DZANK1: variants seen among roughly 807,000 people sequenced by gnomAD.
The protein encoded by DZANK1 is double zinc ribbon and ankyrin repeat domains 1, also known as double zinc ribbon and ankyrin repeat-containing protein 1.
In DZANK1, 91 loss-of-function variants were observed where a neutral mutation model predicts 94.5. The observed-to-expected ratio is 0.96, with a 90% CI of 0.81 to 1.15. The LOEUF is 1.15. Among genes scored for constraint, DZANK1 ranks in the 50% most tolerant of loss-of-function variants. The pLI, the probability that DZANK1 is intolerant of heterozygous loss-of-function variation, is 0.00. For synonymous variants in DZANK1, 312 were observed against 325.3 expected (o/e 0.96, Z 0.44); for missense variants, 903 against 916.4 (o/e 0.99, Z 0.19).
intron 2 of DZANK1, among the ~76,000 whole-genome samples, chr20:18,463,617 G>A (rs1041785349): frequency 6.6e-6 from 1 of 152,000 alleles, no homozygotes; most frequent in Non-Finnish European, 1.5e-5. Flanking sequence ...TACATATTAG[G>A]GAATTTTGAT....
intron 10 of DZANK1, among the ~76,000 whole-genome samples, chr20:18,426,367 G>A (rs922001701): frequency 3.9e-5 from 6 of 152,026 alleles, no homozygotes; most frequent in Admixed American, 1.3e-4. Context: ...GTTGGGGACC[G>A]CTGCTGTAGA....
intron 15 of DZANK1, chr20:18,394,954 G>C: frequency 4.4e-6 from 2 of 449,704 alleles, no homozygotes; most frequent in Middle Eastern, 6.6e-4. Flanking sequence ...AGACACAGAA[G>C]TCTGTGTGCA....
In DZANK1 at chr20:18,449,947, G is replaced by A. The variant is rs186050693; in HGVS notation, c.544-878C>T. Among the ~76,000 whole-genome samples, 697 of 151,406 alleles carry A rather than the reference G, an allele frequency of 4.6e-3. 4 individuals are homozygous for A. The highest frequency in any genetic ancestry group is 7.3e-3 in the Non-Finnish European group (494 of 67,880). ...TACAAAATTAGCAGGGTGTGGTGGCGCATGCCTATAATCCCAGCTACTCAG... is the reference window on the plus strand; with the variant it reads ...TACAAAATTAGCAGGGTGTGGTGGCACATGCCTATAATCCCAGCTACTCAG... On this transcript the variant is annotated intron_variant, in intron 6 of 20. Transcript: ENST00000262547.
At chr20:18,451,866 C>T in intron 6 of DZANK1, 2 of 518,512 alleles carry the variant, frequency 3.9e-6, no homozygotes, top group Non-Finnish European at 7.7e-6. Context: ...GGAACAAAAG[C>T]CTCCTAAATA....
intron 7 of DZANK1, among the ~76,000 whole-genome samples, chr20:18,448,728 G>A (rs185589695): frequency 3.2e-4 from 49 of 152,084 alleles, no homozygotes; most frequent in East Asian, 2.9e-3. Context: ...TTAGCTGGGC[G>A]TGGTGGCGCG....
rs1273222373 is a variant in DZANK1 at position 18,455,241 on chromosome 20, A to T, written c.378+6T>A. Reference sequence around the variant, plus strand: ...AATCTGAATGGATTATAGTTTCATTACTTGCCTGCCTTGAAGAATCTTTGA... The same window carrying T: ...AATCTGAATGGATTATAGTTTCATTTCTTGCCTGCCTTGAAGAATCTTTGA... On this transcript the variant is annotated splice_donor_region_variant and intron_variant, in intron 4 of 20. Transcript: ENST00000262547. 2.5e-6 allele frequency: 4 copies of T among 1,587,352 alleles called. No homozygotes were observed. Among genetic ancestry groups the T allele is most frequent in the Non-Finnish European group, 3.4e-6 (4 of 1,163,612 alleles).
intron 20 of DZANK1, among the ~76,000 whole-genome samples, 169 bp from the exon 21 acceptor site, chr20:18,384,733 C>T (rs529509985): frequency 1.2e-4 from 18 of 152,320 alleles, no homozygotes; most frequent in African/African-American, 4.3e-4. Context: ...GTGGCTCTAC[C>T]CTGAAACCTT....
chr20:18,424,803 T>A (rs547694737), intron 10 of DZANK1, among the ~76,000 whole-genome samples: 1 of 152,212 alleles, frequency 6.6e-6, no homozygotes, highest in East Asian at 1.9e-4. Flanking sequence ...GGAAACAGCA[T>A]GAGTACCTGT....
intron 11 of DZANK1, 121 bp downstream of exon 11, chr20:18,415,206 T>C (rs2057431543): frequency 2.0e-6 from 2 of 1,009,868 alleles, no homozygotes; most frequent in African/African-American, 3.3e-5. Flanking sequence ...TCTTAGGTTA[T>C]AGGTACCAGT....
chr20:18,417,235 G>T (rs2148475409), intron 10 of DZANK1, among the ~76,000 whole-genome samples: 1 of 152,256 alleles, frequency 6.6e-6, no homozygotes, highest in East Asian at 1.9e-4. Flanking sequence ...TCAATTTTGG[G>T]ATTGTTCTGA....
chr20:18,393,708 T>TA lies in DZANK1; in HGVS notation c.1809+2dup. ...TCCACAAGGACCAAAAAAAGACACTTACTATAAGCTGCTCCTTCTTTTCTT... is the reference window on the plus strand; with the variant it reads ...TCCACAAGGACCAAAAAAAGACACTTAACTATAAGCTGCTCCTTCTTTTCTT... On this transcript the variant is annotated splice_region_variant and intron_variant, in intron 17 of 20. Transcript: ENST00000262547. 1 of 1,589,572 alleles carries TA rather than the reference T, an allele frequency of 6.3e-7. No homozygotes were observed. The highest frequency in any genetic ancestry group is 8.6e-7 in the Non-Finnish European group (1 of 1,161,474).
intron 9 of DZANK1, chr20:18,433,094 C>T (rs963060578): frequency 2.0e-5 from 3 of 152,226 alleles, no homozygotes; most frequent in African/African-American, 7.2e-5. Flanking sequence ...TCTTTGTTAG[C>T]TGTAGTGCAA....
rs369660944 is a variant in DZANK1 at position 18,384,339 on chromosome 20, G to A, written c.*60C>T. 7.7e-5 allele frequency: 116 copies of A among 1,513,104 alleles called. 1 individual carries two copies. The South Asian group carries it at 8.8e-4, about 12-fold the overall frequency. 93.7% of individuals were successfully genotyped at this position (1,513,104 alleles called of 1,614,324 possible). ...CTCCCAAAGTGCTGGGATTACAGGCGTAAGCCACTGTGCCAGCCATGCACG... is the reference window on the plus strand; with the variant it reads ...CTCCCAAAGTGCTGGGATTACAGGCATAAGCCACTGTGCCAGCCATGCACG... On this transcript the variant is annotated 3_prime_UTR_variant, in exon 21 of 21. Coordinates refer to ENST00000262547, the Ensembl canonical transcript of DZANK1.
intron 6 of DZANK1, 106 bp downstream of exon 6, chr20:18,452,509 T>A (rs2059138358): frequency 3.0e-6 from 4 of 1,322,514 alleles, no homozygotes; most frequent in Non-Finnish European, 4.1e-6. Flanking sequence ...GAACAGTGCC[T>A]GGCACATGGT....
At chr20:18,419,261 CAAA>C (rs61274655) in intron 10 of DZANK1, among the ~76,000 whole-genome samples, 3 of 78,006 alleles carry the variant, frequency 3.8e-5, no homozygotes, top group Non-Finnish European at 2.7e-5. Flanking sequence ...GACTCCATCT[CAAA>C]AAAAAAAAAA....
intron 10 of DZANK1, chr20:18,420,470 C>T (rs1953593397): frequency 4.3e-5 from 7 of 163,228 alleles, no homozygotes; most frequent in Admixed American, 1.9e-4. Flanking sequence ...AGCGATCCTT[C>T]GGATGATGGC....
At chr20:18,427,106 G>A in exon 10 of DZANK1, 1 of 1,612,944 alleles carries the variant, frequency 6.2e-7, no homozygotes. Context: ...AGGTGACACA[G>A]TATCTCAGGT....
chr20:18,435,707 C>A (rs974797938), intron 8 of DZANK1, among the ~76,000 whole-genome samples: 9 of 151,396 alleles, frequency 5.9e-5, no homozygotes, highest in African/African-American at 1.9e-4. Context: ...CACATGTACA[C>A]CTATGTAACA....
At chr20:18,437,562 G>A (rs2148653164) in intron 8 of DZANK1, among the ~76,000 whole-genome samples, 1 of 152,108 alleles carries the variant, frequency 6.6e-6, no homozygotes, top group South Asian at 2.1e-4. Context: ...CAGCCTGGAT[G>A]ACAGAGGGAG....
Sources: gnomAD v4.1 joint callset for allele counts (sites outside exome capture counted in the v4.1 genomes callset) on GRCh38, gnomAD v4.1.1 for gene constraint, MANE v1.5 for transcripts, NCBI Gene and HGNC (gene_info 2026-07-23, HGNC 2026-07-21) for gene names.